The following SOX5 variants were observed in gnomAD, a reference collection of about 807,000 sequenced individuals.
SOX5 encodes transcription factor SOX-5.
SOX5 carries 9 observed loss-of-function variants against 92.0 expected under a neutral mutation model. That is an observed-to-expected ratio of 0.10 (90% CI 0.06 to 0.17). The LOEUF is 0.17. Ranked by LOEUF, SOX5 falls within the 10% of genes least tolerant of loss-of-function variation. The pLI is 1.00. For missense variants in SOX5, 642 were observed against 944.5 expected (o/e 0.68, Z 4.20); for synonymous variants, 344 against 336.3 (o/e 1.02, Z -0.25).
At chr12:23,668,594 C>A (rs1194372320) in intron 6 of SOX5, among the ~76,000 whole-genome samples, 4 of 152,242 alleles carry the variant, frequency 2.6e-5, no homozygotes, top group Admixed American at 2.6e-4. Context: ...AAATCCTGAT[C>A]ACTATTAATT....
intron 3 of SOX5, among the ~76,000 whole-genome samples, chr12:23,835,138 T>C (rs553136728): frequency 6.6e-6 from 1 of 151,978 alleles, no homozygotes; most frequent in African/African-American, 2.4e-5. Flanking sequence ...CACTGAGGGA[T>C]AGTCATCTAC....
chr12:24,422,139 C>A (rs138095377), intron 1 of SOX5, among the ~76,000 whole-genome samples: 1 of 152,126 alleles, frequency 6.6e-6, no homozygotes, highest in African/African-American at 2.4e-5. Context: ...GAGGAAAATG[C>A]TTATTGTTCT....
intron 4 of SOX5, among the ~76,000 whole-genome samples, chr12:24,017,440 T>C (rs1953762944): frequency 6.6e-6 from 1 of 151,550 alleles, no homozygotes; most frequent in South Asian, 2.1e-4. Flanking sequence ...CTACTAAAAA[T>C]GCAAAAAAAA....
intron 4 of SOX5, among the ~76,000 whole-genome samples, chr12:24,116,589 A>G (rs58988194): frequency 6.6e-6 from 1 of 152,158 alleles, no homozygotes; most frequent in South Asian, 2.1e-4. Context: ...CTAGCTTTCA[A>G]TTTACAGATT....
intron 4 of SOX5, among the ~76,000 whole-genome samples, chr12:24,077,123 C>T (rs752430831): frequency 3.3e-5 from 5 of 152,104 alleles, no homozygotes; most frequent in East Asian, 1.9e-4. Context: ...CAATATGGAG[C>T]ACCATATGAT....
In SOX5 at chr12:24,464,444, T is replaced by C. The variant is rs902080718; in HGVS notation, c.-250-95805A>G. 2.6e-4 allele frequency among the ~76,000 whole-genome samples: 39 copies of C among 152,010 alleles called. No individual in the cohort carries two copies. The Middle Eastern group carries it at 0.01, about 40-fold the overall frequency. On this transcript the variant is annotated intron_variant, in intron 1 of 4. Coordinates refer to the SOX5 transcript ENST00000446891. ...TTCACGCCGCCTCCCGGGTTCACGC[T>C]ATTCTCCTGCCTCAGCCTCCCGAGT... is the stretch of plus-strand genomic sequence containing the variant.
chr12:24,427,599 T>C (rs752600685), intron 1 of SOX5, among the ~76,000 whole-genome samples: 4 of 152,218 alleles, frequency 2.6e-5, no homozygotes, highest in Admixed American at 6.5e-5. Context: ...CGGCTATGCA[T>C]CTGAGGACAG....
intron 2 of SOX5, among the ~76,000 whole-genome samples, chr12:23,890,178 C>T (rs908243051): frequency 3.3e-5 from 5 of 151,922 alleles, no homozygotes; most frequent in Admixed American, 6.6e-5. Context: ...AAATTAGTTG[C>T]GCATGGTGGC....
At chr12:23,940,127 C>CA (rs1197615435) in intron 1 of SOX5, among the ~76,000 whole-genome samples, 1 of 151,092 alleles carries the variant, frequency 6.6e-6, no homozygotes, top group Non-Finnish European at 1.5e-5. Flanking sequence ...CATATTTCCC[C>CA]ATAGTGTCTT....
intron 4 of SOX5, among the ~76,000 whole-genome samples, chr12:24,184,374 A>T (rs1565609367): frequency 1.3e-5 from 2 of 152,214 alleles, no homozygotes; most frequent in African/African-American, 4.8e-5. Context: ...TTTAACCAAA[A>T]TGATTACATT....
intron 2 of SOX5, among the ~76,000 whole-genome samples, chr12:24,294,607 A>G (rs1441926913): frequency 1.3e-5 from 2 of 152,106 alleles, no homozygotes; most frequent in Non-Finnish European, 2.9e-5. Flanking sequence ...CAAAATGCAC[A>G]GCGTCCAGCA....
intron 1 of SOX5, among the ~76,000 whole-genome samples, chr12:24,518,984 G>T (rs1391062172): frequency 6.6e-6 from 1 of 152,016 alleles, no homozygotes; most frequent in South Asian, 2.1e-4. Context: ...AGGATTGCAT[G>T]ATCATTATAC....
chr12:24,459,285 G>C (rs563091736), intron 1 of SOX5, among the ~76,000 whole-genome samples: 20 of 152,130 alleles, frequency 1.3e-4, no homozygotes, highest in Non-Finnish European at 2.5e-4. Context: ...GTTTCTGAAT[G>C]ATGGTCCATT....
intron 1 of SOX5, among the ~76,000 whole-genome samples, chr12:24,455,279 A>C (rs1942876156): frequency 1.3e-5 from 2 of 152,218 alleles, no homozygotes; most frequent in South Asian, 4.1e-4. Context: ...CTCTATTTGA[A>C]ACTGGAACAG....
At chr12:24,203,208 C>A in intron 4 of SOX5, among the ~76,000 whole-genome samples, 1 of 152,098 alleles carries the variant, frequency 6.6e-6, no homozygotes. Context: ...TCAAATGTCC[C>A]GAATTTGGAA....
chr12:24,459,414 A>G (rs1278689758), intron 1 of SOX5, among the ~76,000 whole-genome samples: 4 of 152,202 alleles, frequency 2.6e-5, no homozygotes, highest in Admixed American at 6.5e-5. Flanking sequence ...TTGTCTTTCC[A>G]CATATAACTG....
chr12:24,078,107 T>C (rs1431113177), intron 4 of SOX5, among the ~76,000 whole-genome samples: 2 of 152,030 alleles, frequency 1.3e-5, no homozygotes, highest in Non-Finnish European at 2.9e-5. Flanking sequence ...AAAATACATT[T>C]CAACTATTAA....
chr12:23,995,136 G>A (rs1950915717), intron 4 of SOX5, among the ~76,000 whole-genome samples: 1 of 152,112 alleles, frequency 6.6e-6, no homozygotes, highest in Non-Finnish European at 1.5e-5. Flanking sequence ...AAACTAACAA[G>A]ATTTGTGAGA....
chr12:23,754,982 A>T (rs777272046), intron 4 of SOX5, among the ~76,000 whole-genome samples: 9 of 105,064 alleles, frequency 8.6e-5, no homozygotes, highest in African/African-American at 2.0e-4. Flanking sequence ...ATAGAAAACT[A>T]TCATAGATTG....
Sources: gnomAD v4.1 joint callset for allele counts (sites outside exome capture counted in the v4.1 genomes callset) on GRCh38, gnomAD v4.1.1 for gene constraint, MANE v1.5 for transcripts, NCBI Gene and HGNC (gene_info 2026-07-23, HGNC 2026-07-21) for gene names.